Variants in GPATCH11 observed in about 807,000 individuals in gnomAD.
GPATCH11 encodes the protein G patch domain-containing protein 11.
GPATCH11 carries 32 observed loss-of-function variants against 44.8 expected under a neutral mutation model. That is an observed-to-expected ratio of 0.71 (90% confidence interval 0.54 to 0.96). The LOEUF (loss-of-function observed/expected upper bound fraction) is 0.96. GPATCH11 is among the 40% of genes least tolerant of loss of function. The pLI is 0.00. For missense variants in GPATCH11, 324 were observed against 303.1 expected (o/e 1.07, Z -0.51); for synonymous variants, 84 against 94.4 (o/e 0.89, Z 0.64).
chr2:37,088,408 G>A lies in GPATCH11; in HGVS notation c.27G>A (p.Glu9=). 6.3e-7 allele frequency: 1 copy of A among 1,575,732 alleles called. No homozygotes were observed. Among genetic ancestry groups the A allele is most frequent in the Non-Finnish European group, 8.7e-7 (1 of 1,150,606 alleles). The change falls in exon 2 of 9, where the codon GAG becomes GAA. Residue 9 remains glutamate (E), a synonymous_variant. Transcript: ENST00000674370. ...TGAAGTTGAACATGGCAGAAGAAGA[G>A]GACTATATGTCTGATTCCTTCATTA... MKLNMAEE[E]DYMSDSFINV...
chr2:37,084,705 C>T, intron 1 of GPATCH11, 135 bp downstream of exon 1: 5 of 629,980 alleles, frequency 7.9e-6, no homozygotes, highest in Non-Finnish European at 1.1e-5. Context: ...GGGACGCTTG[C>T]AGCCAGGAGG....
intron 8 of GPATCH11, 124 bp downstream of exon 8, chr2:37,095,642 T>C: frequency 9.5e-7 from 1 of 1,047,652 alleles, no homozygotes; most frequent in Non-Finnish European, 1.3e-6. Context: ...GACCAATTTC[T>C]TAAATAGTGG....
rs1322661769 is a variant in GPATCH11, at chr2:37,098,977, G to C, written c.*2714G>C. Reference sequence around the variant, plus strand: ...TAAATAGGCAATAATGAACACCAAGGGAAGCAAAACACTGAAAAGAATTTT... The same window carrying C: ...TAAATAGGCAATAATGAACACCAAGCGAAGCAAAACACTGAAAAGAATTTT... On this transcript the variant is annotated 3_prime_UTR_variant, in exon 9 of 9. Transcript: ENST00000674370. 6.6e-6 allele frequency: 1 copy of C among 152,060 alleles called. No homozygotes were observed. Among genetic ancestry groups the C allele is most frequent in the East Asian group, 1.9e-4 (1 of 5,188 alleles). 9.4% of individuals were successfully genotyped at this position (152,060 alleles called of 1,614,324 possible).
chr2:37,085,453 A>G (rs973986414), intron 1 of GPATCH11, among the ~76,000 whole-genome samples: 1 of 152,242 alleles, frequency 6.6e-6, no homozygotes, highest in African/African-American at 2.4e-5. Context: ...TCTGAGGTTT[A>G]GAGGAAGCGG....
At chr2:37,094,056 A>T in intron 6 of GPATCH11, 26 bp from the exon 7 acceptor site, 1 of 1,299,526 alleles carries the variant, frequency 7.7e-7, no homozygotes, top group Non-Finnish European at 1.1e-6. Context: ...TAGTATGTTT[A>T]ATTGAGACTA....
At chr2:37,088,144 AATG>A in intron 1 of GPATCH11, among the ~76,000 whole-genome samples, 1 of 152,180 alleles carries the variant, frequency 6.6e-6, no homozygotes, top group Non-Finnish European at 1.5e-5. Context: ...AGAAGGAGAT[AATG>A]ATGACATCAA....
chr2:37,091,901 T>C lies in GPATCH11; in HGVS notation c.329-15T>C, dbSNP rs747385967. ...AAGTCAGGATGTTTCTCATCAGAAT[T>C]TTCTGTTTGAATAGGGAAAAGTGGC... On this transcript the variant is annotated splice_polypyrimidine_tract_variant and intron_variant, in intron 4 of 8. Transcript: ENST00000674370. The C allele has an allele frequency of 5.6e-6, 9 of 1,604,302 alleles. No homozygotes were observed. In the Admixed American group the frequency reaches 1.5e-4, roughly 27 times the overall value.
chr2:37,094,243 A>G, intron 7 of GPATCH11, 48 bp downstream of exon 7: 2 of 1,154,834 alleles, frequency 1.7e-6, no homozygotes, highest in Non-Finnish European at 2.5e-6. Context: ...CCTTGGCAAC[A>G]TTAGCACTTT....
intron 4 of GPATCH11, among the ~76,000 whole-genome samples, chr2:37,091,655 A>G (rs189333521): frequency 6.6e-6 from 1 of 152,282 alleles, no homozygotes; most frequent in East Asian, 1.9e-4. Flanking sequence ...TTTAAATAAA[A>G]CTATAACAGC....
rs1357311389 is a variant in GPATCH11, at chr2:37,095,479, G to A, written c.697G>A (p.Glu233Lys). 3.7e-6 allele frequency: 6 copies of A among 1,605,644 alleles called. No individual in the cohort carries two copies. Among genetic ancestry groups the A allele is most frequent in the Non-Finnish European group, 5.1e-6 (6 of 1,176,622 alleles). ...LQILTSYLRE[E>K]HLYCIWCGTA... ...AATATTGACTAGTTATTTAAGAGAAGAACATCTATATTGTATTTGGTGTGG... is the reference window on the plus strand; with the variant it reads ...AATATTGACTAGTTATTTAAGAGAAAAACATCTATATTGTATTTGGTGTGG... The change falls in exon 8 of 9, where the codon GAA (glutamate) becomes AAA (lysine). Residue 233 changes from glutamate (E) to lysine (K), a missense_variant. Transcript: ENST00000674370.
Position 37,089,640 on chromosome 2 carries a change from A to G in GPATCH11, c.60A>G (p.Gln20=). The change falls in exon 3 of 9, where the codon CAA becomes CAG. Residue 20 remains glutamine, a splice_region_variant and synonymous_variant. Transcript: ENST00000674370. ...DYMSDSFINV[Q]EDIRPGLPML... Reference sequence around the variant, plus strand: ...TAAAATAAACTTTTCCCTTATTCAGAGAAGATATCAGACCAGGATTGCCAA... The same window carrying G: ...TAAAATAAACTTTTCCCTTATTCAGGGAAGATATCAGACCAGGATTGCCAA... 6.5e-7 allele frequency: 1 copy of G among 1,547,684 alleles called. No homozygotes were observed.
intron 6 of GPATCH11, 79 bp from the exon 7 acceptor site, chr2:37,094,003 T>G: frequency 1.1e-6 from 1 of 909,132 alleles, no homozygotes; most frequent in Middle Eastern, 2.1e-4. Context: ...ATTGAAAGAA[T>G]GAATTCATGT....
intron 3 of GPATCH11, 43 bp downstream of exon 3, chr2:37,089,909 A>T: frequency 7.6e-7 from 1 of 1,316,212 alleles, no homozygotes. Flanking sequence ...TTACCACCTA[A>T]TTGTGACTTA....
Position 37,089,841 on chromosome 2 carries a change from A to T in GPATCH11, c.261A>T (p.Lys87Asn). 6.4e-7 allele frequency: 1 copy of T among 1,551,618 alleles called. No individual in the cohort carries two copies. Among genetic ancestry groups the T allele is most frequent in the Middle Eastern group, 1.7e-4 (1 of 5,882 alleles). ...CCTTGCTCCAAAAGATGGGCTATAA[A>T]AGTGGTCAGGCACTTGGCAAGAGTG... Reference protein sequence around the residue: ...GFALLQKMGYKSGQALGKSGG... With the variant: ...GFALLQKMGYNSGQALGKSGG... Residue 87 changes from lysine (K) to asparagine (N), a missense_variant, in exon 3 of 9, where the codon AAA becomes AAT. By Grantham distance (94) the Lys-to-Asn change is moderately conservative (BLOSUM62 0). Transcript: ENST00000674370.
chr2:37,095,626 G>A (rs918975703), intron 8 of GPATCH11, 108 bp downstream of exon 8: 59 of 1,210,090 alleles, frequency 4.9e-5, no homozygotes, highest in Non-Finnish European at 6.1e-5. Flanking sequence ...TCAAATGGCA[G>A]TATGGGACCA....
intron 7 of GPATCH11, 90 bp from the exon 8 acceptor site, chr2:37,095,347 C>T: frequency 1.4e-6 from 2 of 1,429,204 alleles, no homozygotes; most frequent in East Asian, 2.6e-5. Flanking sequence ...AGAATATTTA[C>T]AGCCTTGAGC....
Position 37,089,680 on chromosome 2 carries a change from C to T in GPATCH11, c.100C>T (p.Arg34Ter), listed in dbSNP as rs1414521340. The T allele has an allele frequency of 7.1e-6, 11 of 1,551,024 alleles. No homozygotes were observed. The highest frequency in any genetic ancestry group is 2.4e-5 in the South Asian group (2 of 84,046). Residue 34 changes from arginine to a stop codon, truncating the protein, a stop_gained, in exon 3 of 9, where the codon CGA (arginine) becomes TGA (stop). Transcript: ENST00000674370. LOFTEE classifies it high-confidence loss of function. ...AGGATTGCCAATGCTAAGGCAAATC[C>T]GAGAAGCCCGTCGAAAAGAAGAAAA... The part of the protein sequence containing the change: ...RPGLPMLRQI[R>*]EARRKEEKQQ...
At chr2:37,093,485 TC>T (rs1673429843) in intron 6 of GPATCH11, among the ~76,000 whole-genome samples, 1 of 152,238 alleles carries the variant, frequency 6.6e-6, no homozygotes, top group Admixed American at 6.5e-5. Context: ...ACTTTCCTGT[TC>T]TTACATATTA....
chr2:37,098,866 TGA>T lies in GPATCH11; in HGVS notation c.*2608_*2609del, dbSNP rs1347978762. On this transcript the variant is annotated 3_prime_UTR_variant, in exon 9 of 9. Transcript: ENST00000674370. ...TTTGAAACCAGCCTGGGCAACATAG[TGA>T]GAGACCTCCATCTTAAGGGAATAAA... 5.3e-5 allele frequency: 8 copies of T among 152,122 alleles called. No individual in the cohort carries two copies. The highest frequency in any genetic ancestry group is 2.0e-4 in the Admixed American group (3 of 15,260). The allele number at this position is 152,122 out of a possible 1,614,324, so 9.4% of individuals were successfully genotyped here. A position where few individuals can be genotyped will look rare whatever the true frequency, so the allele number is the denominator to read the frequency against.
Sources: allele counts gnomAD v4.1 joint callset (sites outside exome capture counted in the v4.1 genomes callset), GRCh38; gene constraint gnomAD v4.1.1; transcripts MANE v1.5; gene names NCBI Gene and HGNC (gene_info 2026-07-23, HGNC 2026-07-21).